KMT5C: variants seen among roughly 807,000 people sequenced by gnomAD.
KMT5C encodes lysine methyltransferase 5C.
A neutral mutation model predicts 38.2 loss-of-function variants in KMT5C; 16 were observed. That is an observed-to-expected ratio of 0.42 (90% CI 0.28 to 0.64). The LOEUF is 0.64. Ranked by LOEUF, KMT5C falls within the 30% of genes least tolerant of loss-of-function variation. The pLI, the probability that KMT5C is intolerant of heterozygous loss-of-function variation, is 0.23. For synonymous variants in KMT5C, 291 were observed against 279.0 expected (o/e 1.04, Z -0.43); for missense variants, 598 against 665.1 (o/e 0.90, Z 1.11).
chr19:55,347,741 C>T lies in KMT5C; in HGVS notation c.*292C>T. 1 of 445,358 alleles carries T rather than the reference C, an allele frequency of 2.2e-6. No homozygotes were observed. The highest frequency in any genetic ancestry group is 3.9e-6 in the Non-Finnish European group (1 of 254,766). 27.6% of individuals were successfully genotyped at this position (445,358 alleles called of 1,614,324 possible). A position where few individuals can be genotyped will look rare whatever the true frequency, so the allele number is the denominator to read the frequency against. Reference sequence around the variant, plus strand: ...AGGAGCCATCCGCCCCCCTCAGCCCCTTCCTCCCCAGGGAGCAAAGCCATA... The same window carrying T: ...AGGAGCCATCCGCCCCCCTCAGCCCTTTCCTCCCCAGGGAGCAAAGCCATA... On this transcript the variant is annotated 3_prime_UTR_variant, in exon 9 of 9. Coordinates refer to ENST00000255613, the MANE Select transcript of KMT5C (RefSeq NM_032701.4). This position sits in a 1 kb window ranked among gnomAD's most constrained non-coding sequence, Gnocchi z 4.6.
rs2089622956 is a variant in KMT5C at position 55,346,694 on chromosome 19, A to ACCCCTCCCTGCCATCCCAGCAG, written c.895+16_895+37dup. On this transcript the variant is annotated splice_region_variant and intron_variant, in intron 8 of 8. Coordinates refer to ENST00000255613, the MANE Select transcript of KMT5C (RefSeq NM_032701.4). Reference sequence around the variant, plus strand: ...CGCCGGGACCCATTCTGCGGTGAGCACCCCTCCCTGCCATCCCAGCAGCCC... The same window carrying ACCCCTCCCTGCCATCCCAGCAG: ...CGCCGGGACCCATTCTGCGGTGAGCACCCCTCCCTGCCATCCCAGCAGCCCCTCCCTGCCATCCCAGCAGCCC... 3.3e-6 allele frequency: 5 copies of ACCCCTCCCTGCCATCCCAGCAG among 1,538,418 alleles called. No homozygotes were observed. The East Asian group carries it at 1.2e-4, about 37-fold the overall frequency.
At chr19:55,346,926 C>T (rs2089625936) in intron 8 of KMT5C, 30 bp from the exon 9 acceptor site, 1 of 836,142 alleles carries the variant, frequency 1.2e-6, no homozygotes, top group Non-Finnish European at 2.0e-6. Context: ...TCCTTTGTTC[C>T]TCCTCTCCCT....
At chr19:55,341,193 T>A (rs1569018754) in intron 1 of KMT5C, among the ~76,000 whole-genome samples, 2 of 152,146 alleles carry the variant, frequency 1.3e-5, no homozygotes, top group Admixed American at 1.3e-4. Flanking sequence ...CCCATAGTCT[T>A]CCTTTGCTCC....
chr19:55,342,432 C>A (rs887906479), intron 3 of KMT5C, 52 bp downstream of exon 3: 3 of 1,362,534 alleles, frequency 2.2e-6, no homozygotes, highest in African/African-American at 2.9e-5. Flanking sequence ...CCCCGCTCAC[C>A]GGGCCTGGTC....
chr19:55,346,082 CT>C, intron 6 of KMT5C, 130 bp from the exon 7 acceptor site: 1 of 1,153,492 alleles, frequency 8.7e-7, no homozygotes, highest in Non-Finnish European at 1.2e-6. Flanking sequence ...CGGAATGCCA[CT>C]TTTAGGGGCT....
chr19:55,343,026 G>GC lies in KMT5C; in HGVS notation c.386+177dup, dbSNP rs911603278. The GC allele has an allele frequency of 3.9e-5, 23 of 591,804 alleles. No individual in the cohort carries two copies. In the African/African-American group the frequency reaches 4.3e-4, roughly 11 times the overall value. 36.7% of individuals were successfully genotyped at this position (591,804 alleles called of 1,614,324 possible). ...GGAAGACCTTTGTGGCTACCGTGGT[G>GC]CCGCTGGAGCAGGAGACCCCGGATG... On this transcript the variant is annotated intron_variant, in intron 4 of 8. Coordinates refer to ENST00000255613, the MANE Select transcript of KMT5C (RefSeq NM_032701.4). The surrounding 1 kb of genome is among the most constrained non-coding windows in gnomAD (Gnocchi z 5.5).
At chr19:55,341,216 C>A (rs181356395) in intron 1 of KMT5C, among the ~76,000 whole-genome samples, 1 of 152,304 alleles carries the variant, frequency 6.6e-6, no homozygotes, top group African/African-American at 2.4e-5. Flanking sequence ...TCCCCACCCC[C>A]GCTTTTGTCC....
chr19:55,345,126 A>C (rs1316132038), intron 6 of KMT5C: 2 of 452,528 alleles, frequency 4.4e-6, no homozygotes, highest in Non-Finnish European at 8.9e-6. Flanking sequence ...AGCACACGAG[A>C]GGGCGGCCAG....
At chr19:55,344,029 C>T (rs368412867) in intron 6 of KMT5C, 32 bp downstream of exon 6, 42 of 1,604,532 alleles carry the variant, frequency 2.6e-5, no homozygotes, top group East Asian at 4.5e-5. Flanking sequence ...GGAGAGGGCA[C>T]GCAGGAAGAA....
At position 55,343,873 on chromosome 19, in the gene KMT5C, C is replaced by A; in HGVS notation, c.550+30C>A. 6.2e-7 allele frequency: 1 copy of A among 1,610,464 alleles called. No homozygotes were observed. Among genetic ancestry groups the A allele is most frequent in the African/African-American group, 1.3e-5 (1 of 74,910 alleles). On this transcript the variant is annotated intron_variant, in intron 5 of 8. Coordinates refer to ENST00000255613, the MANE Select transcript of KMT5C (RefSeq NM_032701.4). The surrounding 1 kb of genome is among the most constrained non-coding windows in gnomAD (Gnocchi z 5.5). ...GGGTCAGGCAGGTGGATGGGCAGGA[C>A]GGGATAGAGCCAGGCAGGGCTGGAG...
chr19:55,340,700 C>G (rs2089546679), intron 1 of KMT5C, among the ~76,000 whole-genome samples: 2 of 151,982 alleles, frequency 1.3e-5, no homozygotes, highest in Admixed American at 1.3e-4. Flanking sequence ...ATCCCTGGAC[C>G]GCCCCCCGAC....
At chr19:55,346,793 C>A in intron 8 of KMT5C, 106 bp downstream of exon 8, 1 of 1,010,598 alleles carries the variant, frequency 9.9e-7, no homozygotes, top group Non-Finnish European at 1.4e-6. Context: ...CTCCCTCCCA[C>A]CCTCAGTCGC....
At chr19:55,346,380 G>A in intron 7 of KMT5C, 31 bp downstream of exon 7, 4 of 1,613,484 alleles carry the variant, frequency 2.5e-6, no homozygotes. Flanking sequence ...GCTGGGTTCG[G>A]GTCGTCTGGG....
chr19:55,342,352 C>G lies in KMT5C; in HGVS notation c.248C>G (p.Pro83Arg), dbSNP rs747764035. The G allele has an allele frequency of 5.8e-6, 9 of 1,543,896 alleles. No individual in the cohort carries two copies. The highest frequency in any genetic ancestry group is 2.4e-5 in the East Asian group (1 of 41,010). Residue 83 changes from proline (P) to arginine (R), a missense_variant, in exon 3 of 9, where the codon CCG becomes CGG. This residue lies in a region of KMT5C where 167 missense variants were observed against 187.8 expected (regional missense o/e 0.89). Transcript: ENST00000255613. ...GCCCGCTACTTCCAGAGCCGGGGCC[C>G]GCGGCAGGAGGCTGCCCTCAAGACC... ...WTARYFQSRGPRQEAALKTHV... is the reference protein window; with the variant it reads ...WTARYFQSRGRRQEAALKTHV...
In KMT5C at chr19:55,343,209, G is replaced by T; in HGVS notation, c.386+358G>T. ...CTGCCCCTGCGGGGTTCACAGTCTG[G>T]TGAGGAGGTGGGGGGCAGACAAGTC... On this transcript the variant is annotated intron_variant, in intron 4 of 8. Coordinates refer to ENST00000255613, the MANE Select transcript of KMT5C (RefSeq NM_032701.4). This position sits in a 1 kb window ranked among gnomAD's most constrained non-coding sequence, Gnocchi z 5.5. 1 of 334,856 alleles carries T rather than the reference G, an allele frequency of 3.0e-6. No homozygotes were observed. The highest frequency in any genetic ancestry group is 3.4e-5 in the South Asian group (1 of 29,000). The allele number at this position is 334,856 out of a possible 1,614,324, so 20.7% of individuals were successfully genotyped here.
chr19:55,346,935 C>A, intron 8 of KMT5C, 21 bp from the exon 9 acceptor site: 1 of 859,524 alleles, frequency 1.2e-6, no homozygotes, highest in Non-Finnish European at 1.9e-6. Flanking sequence ...CCTCCTCTCC[C>A]TGCCACCTGG....
At chr19:55,340,819 G>A (rs2089548185) in intron 1 of KMT5C, among the ~76,000 whole-genome samples, 1 of 115,272 alleles carries the variant, frequency 8.7e-6, no homozygotes, top group Admixed American at 9.6e-5. Flanking sequence ...CCCCAGGCCC[G>A]GCTGCAGCCT....
Position 55,347,323 on chromosome 19 carries a change from G to C in KMT5C, c.1263G>C (p.Gly421=). Residue 421 remains glycine, a synonymous_variant, in exon 9 of 9, where the codon GGG becomes GGC. Coordinates refer to ENST00000255613, the MANE Select transcript of KMT5C (RefSeq NM_032701.4). This position sits in a 1 kb window ranked among gnomAD's most constrained non-coding sequence, Gnocchi z 4.6. ...CACCAGCTACCCCAGCCCCTGCTGG[G>C]ACCCCAGGCCCCATCCTGATCCCGA... is the stretch of plus-strand genomic sequence containing the variant. ...PAPPATPAPA[G]TPGPILIPKQ... 6.3e-7 allele frequency: 1 copy of C among 1,575,554 alleles called. No individual in the cohort carries two copies. The highest frequency in any genetic ancestry group is 1.3e-5 in the African/African-American group (1 of 74,432).
Position 55,347,312 on chromosome 19 carries a change from G to C in KMT5C, c.1252G>C (p.Ala418Pro). ...RLAPAPPATP[A>P]PAGTPGPILI... is the part of the protein sequence containing the mutation. ...GGCCCCAGCCCCACCAGCTACCCCA[G>C]CCCCTGCTGGGACCCCAGGCCCCAT... Residue 418 changes from alanine (A) to proline (P), a missense_variant, in exon 9 of 9, where the codon GCC becomes CCC. Ala to Pro is a conservative substitution (Grantham distance 27, BLOSUM62 -1). Around this residue, in one of 3 missense-constraint regions of KMT5C, gnomAD observed 326 missense variants for 298.1 expected, o/e 1.09. Transcript: ENST00000255613. The surrounding 1 kb of genome is among the most constrained non-coding windows in gnomAD (Gnocchi z 4.6). The C allele has an allele frequency of 1.3e-6, 2 of 1,573,388 alleles. No homozygotes were observed. Among genetic ancestry groups the C allele is most frequent in the Non-Finnish European group, 1.7e-6 (2 of 1,162,898 alleles).
Sources: gnomAD v4.1 joint callset for allele counts (sites outside exome capture counted in the v4.1 genomes callset) on GRCh38, gnomAD v4.1.1 for gene constraint, gnomAD v4.1.1 regional missense constraint, Gnocchi (gnomAD v3.1) non-coding constraint, MANE v1.5 for transcripts, NCBI Gene and HGNC (gene_info 2026-07-23, HGNC 2026-07-21) for gene names.